Variants in VIL1 observed in about 807,000 individuals in gnomAD.
The protein encoded by VIL1 is villin 1.
In VIL1, 86 loss-of-function variants were observed where a neutral mutation model predicts 104.0. The ratio of observed to expected loss-of-function variants is 0.83; its 90% CI spans 0.69 to 0.99. VIL1 has a LOEUF of 0.99. Among genes scored for constraint, VIL1 ranks in the 50% least tolerant of loss-of-function variants. The pLI is 0.00. For synonymous variants in VIL1, 394 were observed against 412.6 expected (o/e 0.95, Z 0.55); for missense variants, 944 against 1,054.1 (o/e 0.90, Z 1.45).
intron 10 of VIL1, 99 bp from the exon 11 acceptor site, chr2:218,431,758 A>G (rs1321378465): frequency 9.8e-7 from 1 of 1,025,326 alleles, no homozygotes; most frequent in East Asian, 2.6e-5. Context: ...TCCTCATCTG[A>G]AAATGAGTCT....
intron 3 of VIL1, among the ~76,000 whole-genome samples, chr2:218,424,862 G>A (rs1688952719): frequency 6.6e-6 from 1 of 152,050 alleles, no homozygotes; most frequent in Non-Finnish European, 1.5e-5. Flanking sequence ...GTTTCACCAT[G>A]TTGATCAGGC....
chr2:218,431,787 T>A, intron 10 of VIL1, 70 bp from the exon 11 acceptor site: 1 of 1,292,864 alleles, frequency 7.7e-7, no homozygotes, highest in Non-Finnish European at 1.1e-6. Flanking sequence ...TAGCCACCAT[T>A]CAGGGCTGTT....
At position 218,452,712 on chromosome 2, in the gene VIL1, C is replaced by T. The variant is rs1689518425; in HGVS notation, c.*3376C>T. The stretch of plus-strand genomic sequence containing the variant: ...AGCTATGAAAGCAATTCAAATGAGG[C>T]TGCTTCATGAGGCAATCTAGACTTA... On this transcript the variant is annotated 3_prime_UTR_variant, in exon 20 of 20. Transcript: ENST00000248444. 1 of 152,212 alleles carries T rather than the reference C, an allele frequency of 6.6e-6. No individual in the cohort carries two copies. The highest frequency in any genetic ancestry group is 1.5e-5 in the Non-Finnish European group (1 of 68,036). The allele number at this position is 152,212 out of a possible 1,614,324, so 9.4% of individuals were successfully genotyped here.
chr2:218,434,764 T>G, intron 14 of VIL1, 59 bp downstream of exon 14: 1 of 1,540,384 alleles, frequency 6.5e-7, no homozygotes, highest in Non-Finnish European at 8.8e-7. Flanking sequence ...GTCCCCCAGT[T>G]TCGCAGCAGC....
chr2:218,449,444 T>C lies in VIL1; in HGVS notation c.*108T>C. 1.1e-6 allele frequency: 1 copy of C among 884,590 alleles called. No homozygotes were observed. The highest frequency in any genetic ancestry group is 1.8e-6 in the Non-Finnish European group (1 of 541,410). 54.8% of individuals were successfully genotyped at this position (884,590 alleles called of 1,614,324 possible). On this transcript the variant is annotated 3_prime_UTR_variant, in exon 20 of 20. Coordinates refer to ENST00000248444, the MANE Select transcript of VIL1 (RefSeq NM_007127.3). ...TGAAGTGAAATTTTGCAGATGTGCCTATGAGCACAAACTTCTGTGGCAAAT... is the reference window on the plus strand; with the variant it reads ...TGAAGTGAAATTTTGCAGATGTGCCCATGAGCACAAACTTCTGTGGCAAAT...
intron 4 of VIL1, among the ~76,000 whole-genome samples, chr2:218,427,199 C>T (rs1242255494): frequency 1.3e-5 from 2 of 152,200 alleles, no homozygotes; most frequent in African/African-American, 2.4e-5. Context: ...TGTCTTGCTC[C>T]TCTCTTCCCA....
In VIL1 at chr2:218,425,843, G is replaced by T. The variant is rs751111052; in HGVS notation, c.347+32G>T. The T allele has an allele frequency of 1.8e-5, 28 of 1,579,094 alleles. No individual in the cohort carries two copies. The South Asian group carries it at 2.9e-4, about 17-fold the overall frequency. ...AGGGTGGGCTGCAGGCCGGGGGAAT[G>T]AGGATGAGTGGTAGGGATAGAGATG... On this transcript the variant is annotated intron_variant, in intron 4 of 19. Coordinates refer to ENST00000248444, the MANE Select transcript of VIL1 (RefSeq NM_007127.3).
At position 218,449,366 on chromosome 2, in the gene VIL1, C is replaced by A. The variant is rs571728001; in HGVS notation, c.*30C>A. 11 of 1,542,468 alleles carry A rather than the reference C, an allele frequency of 7.1e-6. No individual in the cohort carries two copies. In the East Asian group the frequency reaches 2.3e-4, roughly 32 times the overall value. ...AGTAGCTGTGGTTGTAAAGCAGTACCCTACCCTGATTGTAGGGTCTCATTT... is the reference window on the plus strand; with the variant it reads ...AGTAGCTGTGGTTGTAAAGCAGTACACTACCCTGATTGTAGGGTCTCATTT... On this transcript the variant is annotated 3_prime_UTR_variant, in exon 20 of 20. Transcript: ENST00000248444.
intron 19 of VIL1, among the ~76,000 whole-genome samples, chr2:218,442,358 T>C (rs1689298875): frequency 6.6e-6 from 1 of 152,138 alleles, no homozygotes; most frequent in South Asian, 2.1e-4. Context: ...AGGGCAGAGA[T>C]ATGAATTTAA....
chr2:218,444,880 A>G (rs1477024694), intron 19 of VIL1, among the ~76,000 whole-genome samples: 1 of 152,232 alleles, frequency 6.6e-6, no homozygotes, highest in Non-Finnish European at 1.5e-5. Context: ...ATACAAGTCC[A>G]CTAGGATGGG....
intron 1 of VIL1, 59 bp from the exon 2 acceptor site, chr2:218,423,709 G>A (rs1688931251): frequency 1.3e-6 from 2 of 1,568,448 alleles, no homozygotes; most frequent in Non-Finnish European, 1.8e-6. Context: ...TCTAGGGGCA[G>A]GCTGGAAGGG....
Position 218,435,275 on chromosome 2 carries a change from CT to C in VIL1, c.1681-6del. 3.1e-6 allele frequency: 5 copies of C among 1,610,682 alleles called. No individual in the cohort carries two copies. Among genetic ancestry groups the C allele is most frequent in the East Asian group, 2.2e-5 (1 of 44,796 alleles). ...GGGTGGCACTAGAAATTAGCCAACT[CT>C]TTTTTTTCCTAGGGTTGTAGCGGGG... is the stretch of plus-strand genomic sequence containing the variant. On this transcript the variant is annotated splice_polypyrimidine_tract_variant and intron_variant, in intron 14 of 19. Transcript: ENST00000248444.
chr2:218,449,582 T>C lies in VIL1; in HGVS notation c.*246T>C, dbSNP rs530834023. 22 of 389,722 alleles carry C rather than the reference T, an allele frequency of 5.6e-5. No individual in the cohort carries two copies. The highest frequency in any genetic ancestry group is 7.6e-5 in the South Asian group (3 of 39,218). 24.1% of individuals were successfully genotyped at this position (389,722 alleles called of 1,614,324 possible). A position where few individuals can be genotyped will look rare whatever the true frequency, so the allele number is the denominator to read the frequency against. ...GCTAGATTGTTTCTATCCTGAGGTA[T>C]TGCATCAATTTTAATACTCCTATAG... is the stretch of plus-strand genomic sequence containing the variant. On this transcript the variant is annotated 3_prime_UTR_variant, in exon 20 of 20. Coordinates refer to ENST00000248444, the MANE Select transcript of VIL1 (RefSeq NM_007127.3).
chr2:218,434,535 T>G lies in VIL1; in HGVS notation c.1510T>G (p.Ser504Ala), dbSNP rs926322856. Residue 504 changes from serine (S) to alanine (A), a missense_variant, in exon 14 of 20, where the codon TCC becomes GCC. Transcript: ENST00000248444. ...CTGCCCTCACCTGCAGGGAGGCACC[T>G]CCCGAACTAACAACTTGGAGACCGG... ...GRMVVYQGGTSRTNNLETGPS... is the reference protein window; with the variant it reads ...GRMVVYQGGTARTNNLETGPS... 4 of 1,611,440 alleles carry G rather than the reference T, an allele frequency of 2.5e-6. No individual in the cohort carries two copies. The African/African-American group carries it at 4.0e-5, about 16-fold the overall frequency.
intron 9 of VIL1, among the ~76,000 whole-genome samples, chr2:218,430,468 G>A (rs1236935069): frequency 7.2e-5 from 11 of 152,100 alleles, no homozygotes; most frequent in African/African-American, 2.2e-4. Context: ...GTTGTGTTTC[G>A]GTATTAGATT....
intron 19 of VIL1, among the ~76,000 whole-genome samples, chr2:218,448,519 G>A (rs1689405711): frequency 6.6e-6 from 1 of 151,702 alleles, no homozygotes; most frequent in South Asian, 2.1e-4. Flanking sequence ...CCGAGATCGT[G>A]CGCCACTGCT....
At chr2:218,420,357 A>C (rs1402467593) in intron 1 of VIL1, among the ~76,000 whole-genome samples, 2 of 133,726 alleles carry the variant, frequency 1.5e-5, no homozygotes, top group African/African-American at 2.7e-5. Context: ...TGAACCCAGG[A>C]GGCGGAGATG....
intron 19 of VIL1, 123 bp downstream of exon 19, chr2:218,440,985 T>C: frequency 1.8e-6 from 2 of 1,141,318 alleles, no homozygotes; most frequent in Non-Finnish European, 1.2e-6. Context: ...GGATCCTGCC[T>C]TCATGCCACC....
At chr2:218,442,386 T>C (rs952743589) in intron 19 of VIL1, among the ~76,000 whole-genome samples, 3 of 152,192 alleles carry the variant, frequency 2.0e-5, no homozygotes, top group Non-Finnish European at 4.4e-5. Flanking sequence ...CAGCACATGG[T>C]CCATCTGGTA....
Sources: gnomAD v4.1 joint callset for allele counts (sites outside exome capture counted in the v4.1 genomes callset) on GRCh38, gnomAD v4.1.1 for gene constraint, MANE v1.5 for transcripts, NCBI Gene and HGNC (gene_info 2026-07-23, HGNC 2026-07-21) for gene names.